Variants in SMOC2 observed in about 807,000 individuals in gnomAD.
SMOC2 encodes SPARC-related modular calcium-binding protein 2.
SMOC2 carries 39 observed loss-of-function variants against 61.4 expected under a neutral mutation model. The ratio of observed to expected loss-of-function variants is 0.64; its 90% CI spans 0.49 to 0.83. The LOEUF (loss-of-function observed/expected upper bound fraction) is 0.83. Ranked by LOEUF, SMOC2 falls within the 40% of genes least tolerant of loss-of-function variation. SMOC2 has a pLI of 0.00. For missense variants in SMOC2, 556 were observed against 592.9 expected (o/e 0.94, Z 0.65); for synonymous variants, 247 against 239.9 (o/e 1.03, Z -0.27).
intron 7 of SMOC2, among the ~76,000 whole-genome samples, chr6:168,563,433 A>G (rs1784470748): frequency 6.6e-6 from 1 of 152,178 alleles, no homozygotes; most frequent in South Asian, 2.1e-4. Context: ...ACACACGTAC[A>G]TAGATACACA....
At chr6:168,616,934 C>T (rs544908592) in intron 9 of SMOC2, among the ~76,000 whole-genome samples, 6 of 152,290 alleles carry the variant, frequency 3.9e-5, no homozygotes, top group East Asian at 1.9e-4. Context: ...AGGGAGCCCA[C>T]GCAGGTGCAG....
chr6:168,564,879 C>T (rs1228698438), intron 7 of SMOC2, among the ~76,000 whole-genome samples: 1 of 152,208 alleles, frequency 6.6e-6, no homozygotes, highest in East Asian at 1.9e-4. Flanking sequence ...ATAAGGTTAA[C>T]CTGGACCTGG....
chr6:168,649,692 A>G lies in SMOC2; in HGVS notation c.908-989A>G, dbSNP rs532947074. 1.1e-4 allele frequency among the ~76,000 whole-genome samples: 16 copies of G among 152,324 alleles called. No individual in the cohort carries two copies. In the South Asian group the frequency reaches 3.3e-3, roughly 32 times the overall value. On this transcript the variant is annotated intron_variant, in intron 9 of 12. Coordinates refer to ENST00000356284, the MANE Select transcript of SMOC2 (RefSeq NM_001166412.2). ...TGAAGCTCTTAAACCCGCCGATCTC[A>G]TCGGGGAAACGAGGGTGGGGCTCCT... is the stretch of plus-strand genomic sequence containing the variant.
intron 1 of SMOC2, among the ~76,000 whole-genome samples, chr6:168,479,738 G>C (rs1273228066): frequency 6.6e-6 from 1 of 152,170 alleles, no homozygotes; most frequent in East Asian, 1.9e-4. Flanking sequence ...TGCTGTGAAT[G>C]TTGATTGCAG....
intron 7 of SMOC2, among the ~76,000 whole-genome samples, chr6:168,589,439 C>CA (rs1785122432): frequency 6.6e-6 from 1 of 152,218 alleles, no homozygotes; most frequent in African/African-American, 2.4e-5. Flanking sequence ...TCAACAGCCA[C>CA]AAAACAGATC....
intron 1 of SMOC2, among the ~76,000 whole-genome samples, chr6:168,481,854 AT>A (rs1782214374): frequency 6.6e-6 from 1 of 152,004 alleles, no homozygotes; most frequent in South Asian, 2.1e-4. Flanking sequence ...TGCCAAAAAA[AT>A]AACCAAAATA....
chr6:168,599,433 ACT>A (rs1583147402), intron 8 of SMOC2, among the ~76,000 whole-genome samples: 3 of 97,380 alleles, frequency 3.1e-5, no homozygotes, highest in African/African-American at 8.4e-5. Context: ...CCACACCCAC[ACT>A]CACACACACA....
chr6:168,563,831 G>A (rs969833011), intron 7 of SMOC2, among the ~76,000 whole-genome samples: 15 of 152,096 alleles, frequency 9.9e-5, no homozygotes, highest in African/African-American at 2.9e-4. Context: ...GCACAGGCCC[G>A]CACCAGGTAA....
At chr6:168,548,424 C>G (rs999871715) in intron 6 of SMOC2, among the ~76,000 whole-genome samples, 9 of 146,166 alleles carry the variant, frequency 6.2e-5, no homozygotes, top group African/African-American at 2.3e-4. Context: ...ATGATGCGAT[C>G]TCAGCTCACT....
At chr6:168,550,404 C>T (rs1203730826) in intron 7 of SMOC2, among the ~76,000 whole-genome samples, 1 of 152,196 alleles carries the variant, frequency 6.6e-6, no homozygotes, top group African/African-American at 2.4e-5. Flanking sequence ...CTTCACCCAG[C>T]TCTTACACAC....
At chr6:168,640,128 A>G (rs540689798) in intron 9 of SMOC2, among the ~76,000 whole-genome samples, 15 of 152,140 alleles carry the variant, frequency 9.9e-5, no homozygotes, top group African/African-American at 3.6e-4. Context: ...TCAGCCCTCC[A>G]GTCTTTGTTC....
At chr6:168,559,350 G>C (rs536107213) in intron 7 of SMOC2, among the ~76,000 whole-genome samples, 1 of 152,160 alleles carries the variant, frequency 6.6e-6, no homozygotes, top group African/African-American at 2.4e-5. Context: ...AGATACTCAG[G>C]AGGCTGAGGC....
intron 7 of SMOC2, among the ~76,000 whole-genome samples, chr6:168,550,457 T>C (rs1383924172): frequency 6.6e-6 from 1 of 152,154 alleles, no homozygotes; most frequent in Admixed American, 6.5e-5. Context: ...TGAGTCCCCT[T>C]AAGCCAGCAG....
intron 2 of SMOC2, among the ~76,000 whole-genome samples, chr6:168,511,533 G>A (rs1280500092): frequency 6.6e-6 from 1 of 152,208 alleles, no homozygotes; most frequent in Non-Finnish European, 1.5e-5. Context: ...TACAATTCAA[G>A]GTGAGATTTG....
In SMOC2 at chr6:168,480,984, G is replaced by C. The variant is rs372120532; in HGVS notation, c.85-28931G>C. On this transcript the variant is annotated intron_variant, in intron 1 of 12. Transcript: ENST00000356284. Reference sequence around the variant, plus strand: ...AACTGAGAACCCTATCTCCAGCAAAGCTGTTCTTCAAAAGTAAGGAACAGT... The same window carrying C: ...AACTGAGAACCCTATCTCCAGCAAACCTGTTCTTCAAAAGTAAGGAACAGT... Among the ~76,000 whole-genome samples, 8 of 152,234 alleles carry C rather than the reference G, an allele frequency of 5.3e-5. 1 individual carries two copies. In the East Asian group the frequency reaches 1.4e-3, roughly 26 times the overall value.
At chr6:168,568,508 T>C (rs73789115) in intron 7 of SMOC2, among the ~76,000 whole-genome samples, 4,746 of 152,290 alleles carry the variant, frequency 0.031, 177 homozygotes, top group African/African-American at 0.096. Flanking sequence ...GGTTCACTCC[T>C]GATGTTGGAC....
intron 9 of SMOC2, among the ~76,000 whole-genome samples, chr6:168,633,125 C>T (rs1489259100): frequency 2.6e-5 from 4 of 152,206 alleles, no homozygotes; most frequent in African/African-American, 9.6e-5. Flanking sequence ...CATTTTCCTC[C>T]TCTGTGTCTC....
intron 4 of SMOC2, among the ~76,000 whole-genome samples, chr6:168,539,958 C>T (rs969605256): frequency 2.6e-5 from 4 of 152,148 alleles, no homozygotes; most frequent in Admixed American, 2.0e-4. Flanking sequence ...GTCTGTATAA[C>T]GGGCATGATG....
intron 1 of SMOC2, among the ~76,000 whole-genome samples, chr6:168,484,663 T>C (rs1288072391): frequency 6.6e-6 from 1 of 152,188 alleles, no homozygotes; most frequent in Non-Finnish European, 1.5e-5. Flanking sequence ...GCAGCACTAT[T>C]TACAATAATT....
Sources: gnomAD v4.1 joint callset for allele counts (sites outside exome capture counted in the v4.1 genomes callset) on GRCh38, gnomAD v4.1.1 for gene constraint, MANE v1.5 for transcripts, NCBI Gene and HGNC (gene_info 2026-07-23, HGNC 2026-07-21) for gene names.